Variants in KSR1 observed in about 807,000 individuals in gnomAD.
KSR1 encodes the protein kinase suppressor of ras.
KSR1 carries 35 observed loss-of-function variants against 92.9 expected under a neutral mutation model. That is an observed-to-expected ratio of 0.38 (90% CI 0.29 to 0.50). KSR1 has a LOEUF of 0.50. KSR1 is among the 20% of genes least tolerant of loss of function. KSR1 has a pLI of 0.94. For synonymous variants in KSR1, 467 were observed against 472.6 expected (o/e 0.99, Z 0.15); for missense variants, 972 against 1,158.5 (o/e 0.84, Z 2.34).
chr17:27,487,815 A>G (rs2068712997), intron 1 of KSR1, among the ~76,000 whole-genome samples: 1 of 152,022 alleles, frequency 6.6e-6, no homozygotes, highest in Admixed American at 6.6e-5. Flanking sequence ...CTAGACAGAG[A>G]CCGAGAGAGG....
At chr17:27,526,424 C>G (rs2070301349) in intron 1 of KSR1, 1 of 1,545,826 alleles carries the variant, frequency 6.5e-7, no homozygotes, top group Non-Finnish European at 8.8e-7. Context: ...AATGAGGAAG[C>G]AGGCCATTCC....
intron 3 of KSR1, among the ~76,000 whole-genome samples, chr17:27,581,737 C>T (rs893580818): frequency 1.3e-5 from 2 of 152,176 alleles, no homozygotes; most frequent in Non-Finnish European, 2.9e-5. Flanking sequence ...TTCGACTCTA[C>T]AAGCACAAGG....
At chr17:27,482,082 ATGT>A (rs1241544384) in intron 1 of KSR1, among the ~76,000 whole-genome samples, 8 of 152,108 alleles carry the variant, frequency 5.3e-5, no homozygotes, top group Non-Finnish European at 8.8e-5. Flanking sequence ...AAAAGCATAA[ATGT>A]TGTTGGTGGT....
intron 2 of KSR1, among the ~76,000 whole-genome samples, chr17:27,569,929 T>C (rs2032834220): frequency 1.3e-5 from 2 of 152,338 alleles, no homozygotes; most frequent in African/African-American, 2.4e-5. Flanking sequence ...GGACAAGCTT[T>C]CCAGGAGGGT....
At chr17:27,553,293 CAGAGGCAGCT>C (rs1404287129) in intron 2 of KSR1, among the ~76,000 whole-genome samples, 1 of 152,224 alleles carries the variant, frequency 6.6e-6, no homozygotes, top group Non-Finnish European at 1.5e-5. Flanking sequence ...CCAGACCCAG[CAGAGGCAGCT>C]AGAGAGGCCT....
chr17:27,472,400 G>A (rs763255799), intron 1 of KSR1, among the ~76,000 whole-genome samples: 6 of 152,222 alleles, frequency 3.9e-5, no homozygotes, highest in Admixed American at 2.0e-4. Flanking sequence ...GTTTGGAGGA[G>A]GCTGAATGAC....
At position 27,582,923 on chromosome 17, in the gene KSR1, C is replaced by T; in HGVS notation, c.798C>T (p.His266=). The T allele has an allele frequency of 6.2e-7, 1 of 1,612,474 alleles. No individual in the cohort carries two copies. The highest frequency in any genetic ancestry group is 1.7e-5 in the Admixed American group (1 of 59,888). Reference sequence around the variant, plus strand: ...GCCGGCTGACCCCCCGTGCCCTGCACAGCTTCATCACCCCGCCCACCACAC... The same window carrying T: ...GCCGGCTGACCCCCCGTGCCCTGCATAGCTTCATCACCCCGCCCACCACAC... ...ASGRLTPRAL[H]SFITPPTTPQ... Residue 266 remains histidine, a synonymous_variant, in exon 4 of 21, where the codon CAC becomes CAT. Transcript: ENST00000644974.
In KSR1 at chr17:27,489,729, C is replaced by T. The variant is rs2068765829; in HGVS notation, c.231+32855C>T. ...CTGTGGGGCTGCTCTTCTTGGTATC[C>T]TCACTGCCTCCTCATTCAGGTGTGT... On this transcript the variant is annotated intron_variant, in intron 1 of 20. Coordinates refer to ENST00000644974, the MANE Select transcript of KSR1 (RefSeq NM_001394583.1). Among the ~76,000 whole-genome samples the T allele has an allele frequency of 2.0e-5, 3 of 151,560 alleles. No homozygotes were observed. The South Asian group carries it at 6.3e-4, about 32-fold the overall frequency.
intron 1 of KSR1, chr17:27,472,141 C>T (rs59580632): frequency 0.066 from 9,990 of 152,432 alleles, 445 homozygotes; most frequent in South Asian, 0.16. Flanking sequence ...ATGGGAAACC[C>T]CCTTCTTACT....
intron 1 of KSR1, among the ~76,000 whole-genome samples, chr17:27,490,036 C>T (rs1393606572): frequency 6.6e-6 from 1 of 152,130 alleles, no homozygotes. Flanking sequence ...GTGCTCAGAC[C>T]CTTCACTGGA....
chr17:27,623,166 C>T (rs1490400311), intron 20 of KSR1, 148 bp from the exon 21 acceptor site: 1 of 674,584 alleles, frequency 1.5e-6, no homozygotes, highest in Non-Finnish European at 2.7e-6. Flanking sequence ...TGACCAGGGG[C>T]AGCTCTGCCA....
chr17:27,555,460 C>A (rs1240783225), intron 2 of KSR1, among the ~76,000 whole-genome samples: 1 of 152,088 alleles, frequency 6.6e-6, no homozygotes, highest in East Asian at 1.9e-4. Flanking sequence ...GGAGTTCTTG[C>A]AGGTTTGTTC....
At chr17:27,468,270 G>C (rs1009961585) in intron 1 of KSR1, among the ~76,000 whole-genome samples, 12 of 150,956 alleles carry the variant, frequency 7.9e-5, no homozygotes, top group African/African-American at 2.9e-4. Context: ...GAGCCTGGCT[G>C]TGTTGCCCAG....
chr17:27,527,960 C>T (rs1241183603), intron 1 of KSR1, among the ~76,000 whole-genome samples: 1 of 152,192 alleles, frequency 6.6e-6, no homozygotes, highest in Non-Finnish European at 1.5e-5. Context: ...ACATCCCTAC[C>T]TCTTGTGGGT....
chr17:27,489,330 T>C (rs1747152999), intron 1 of KSR1, among the ~76,000 whole-genome samples: 1 of 152,216 alleles, frequency 6.6e-6, no homozygotes, highest in African/African-American at 2.4e-5. Flanking sequence ...GCAACATCCC[T>C]GCGAGGGATC....
At chr17:27,484,987 T>C (rs8076061) in intron 1 of KSR1, among the ~76,000 whole-genome samples, 62,652 of 152,008 alleles carry the variant, frequency 0.41, 13,697 homozygotes, top group African/African-American at 0.55. Context: ...ATCCCCACTT[T>C]TACAGGTGAG....
intron 1 of KSR1, among the ~76,000 whole-genome samples, chr17:27,548,784 C>T (rs1030337942): frequency 1.3e-5 from 2 of 151,532 alleles, no homozygotes; most frequent in African/African-American, 4.9e-5. Context: ...GAGCCAAGAT[C>T]GTGCCACTGC....
intron 17 of KSR1, chr17:27,611,253 A>C (rs2073907786): frequency 1.9e-6 from 1 of 518,054 alleles, no homozygotes; most frequent in African/African-American, 1.9e-5. Flanking sequence ...CAGAATGACC[A>C]CCAAGGCTCC....
intron 1 of KSR1, among the ~76,000 whole-genome samples, chr17:27,549,580 C>T (rs527733404): frequency 6.6e-6 from 1 of 152,298 alleles, no homozygotes; most frequent in South Asian, 2.1e-4. Flanking sequence ...TAGCCATTTG[C>T]GAGTCTTTTG....
Sources: gnomAD v4.1 joint callset for allele counts (sites outside exome capture counted in the v4.1 genomes callset) on GRCh38, gnomAD v4.1.1 for gene constraint, MANE v1.5 for transcripts, NCBI Gene and HGNC (gene_info 2026-07-23, HGNC 2026-07-21) for gene names.